The following HIRA variants were observed in gnomAD, a reference collection of about 807,000 sequenced individuals.
HIRA encodes the protein protein HIRA.
Under a neutral mutation model 126.6 loss-of-function variants are expected in HIRA, and 13 were observed. The ratio of observed to expected loss-of-function variants is 0.10; its 90% CI spans 0.07 to 0.16. The LOEUF (loss-of-function observed/expected upper bound fraction) is 0.16, where lower values mean the gene tolerates loss of function less well. Ranked by LOEUF, HIRA falls within the 10% of genes least tolerant of loss-of-function variation. The probability of loss-of-function intolerance (pLI) is 1.00; values close to 1 mark genes in which losing one functional copy is unlikely to be tolerated. For missense variants in HIRA, 834 were observed against 1,314.4 expected (o/e 0.63, Z 5.65); for synonymous variants, 511 against 520.0 (o/e 0.98, Z 0.24).
At chr22:19,399,581 C>T (rs1192852538) in intron 5 of HIRA, among the ~76,000 whole-genome samples, 3 of 152,092 alleles carry the variant, frequency 2.0e-5, no homozygotes, top group Non-Finnish European at 2.9e-5. Flanking sequence ...TACTCTGAGA[C>T]GCATACCCTA....
rs1428167176 is a variant in HIRA, at chr22:19,351,056, G to A, written c.2937+302C>T. On this transcript the variant is annotated intron_variant, in intron 24 of 24. Transcript: ENST00000263208. This position sits in a 1 kb window ranked among gnomAD's most constrained non-coding sequence, Gnocchi z 4.8. ...GCATCCCTACCAGACCGAGCTCCAC[G>A]AAGGCAGGGAAGTACCTTCCGTCTT... 1.7e-5 allele frequency: 15 copies of A among 889,914 alleles called. No homozygotes were observed. Among genetic ancestry groups the A allele is most frequent in the Non-Finnish European group, 2.0e-5 (15 of 742,980 alleles). 55.1% of individuals were successfully genotyped at this position (889,914 alleles called of 1,614,324 possible).
At chr22:19,414,575 G>C (rs894657428) in intron 1 of HIRA, among the ~76,000 whole-genome samples, 1 of 152,228 alleles carries the variant, frequency 6.6e-6, no homozygotes, top group Non-Finnish European at 1.5e-5. Context: ...GCTTGGGAAA[G>C]TTGAGGCTTT....
At chr22:19,427,491 A>G (rs2089497709) in intron 1 of HIRA, among the ~76,000 whole-genome samples, 1 of 152,254 alleles carries the variant, frequency 6.6e-6, no homozygotes, top group Non-Finnish European at 1.5e-5. Flanking sequence ...TCAGTAGGAC[A>G]GCTTCAAATC....
At chr22:19,394,193 T>G in intron 8 of HIRA, 149 bp downstream of exon 8, 4 of 920,162 alleles carry the variant, frequency 4.3e-6, no homozygotes, top group Non-Finnish European at 6.4e-6. Context: ...GATGTTCACA[T>G]GTAAAGTTTG....
At chr22:19,352,794 A>G (rs1416536416) in intron 23 of HIRA, among the ~76,000 whole-genome samples, 1 of 152,242 alleles carries the variant, frequency 6.6e-6, no homozygotes, top group Non-Finnish European at 1.5e-5. Context: ...TGAAGGCTGC[A>G]CTCAAGTGGG....
At chr22:19,393,481 C>T (rs2089198836) in intron 8 of HIRA, among the ~76,000 whole-genome samples, 2 of 152,124 alleles carry the variant, frequency 1.3e-5, no homozygotes, top group South Asian at 2.1e-4. Flanking sequence ...CCTCGGCCTC[C>T]TGAGTGGCTG....
chr22:19,422,213 C>CAT (rs1312611087), intron 1 of HIRA, among the ~76,000 whole-genome samples: 285 of 141,542 alleles, frequency 2.0e-3, no homozygotes, highest in African/African-American at 7.2e-3. Context: ...TATATATATA[C>CAT]ATATATATAT....
At chr22:19,420,461 T>TTAAAA (rs2089435763) in intron 1 of HIRA, among the ~76,000 whole-genome samples, 1 of 7,178 alleles carries the variant, frequency 1.4e-4, no homozygotes, top group East Asian at 3.8e-3. Flanking sequence ...AAAAACTGTC[T>TTAAAA]CAAAAAAAAA....
intron 1 of HIRA, among the ~76,000 whole-genome samples, chr22:19,428,203 T>G (rs1459123298): frequency 6.6e-6 from 1 of 152,214 alleles, no homozygotes; most frequent in Non-Finnish European, 1.5e-5. Flanking sequence ...CACTACAACG[T>G]GACAACTTCA....
chr22:19,353,350 C>A lies in HIRA; in HGVS notation c.2848+6G>T, dbSNP rs2088777624. On this transcript the variant is annotated splice_donor_region_variant and intron_variant, in intron 23 of 24. Coordinates refer to ENST00000263208, the MANE Select transcript of HIRA (RefSeq NM_003325.4). ...GAAGGCTGCTCAGGGCTGCCAGGAGCCTCACCTTCGTTTACGAGGTACCGT... is the reference window on the plus strand; with the variant it reads ...GAAGGCTGCTCAGGGCTGCCAGGAGACTCACCTTCGTTTACGAGGTACCGT... The A allele has an allele frequency of 6.2e-7, 1 of 1,612,542 alleles. No individual in the cohort carries two copies. The highest frequency in any genetic ancestry group is 1.1e-5 in the South Asian group (1 of 91,000).
chr22:19,333,627 C>T (rs2088521752), intron 24 of HIRA, among the ~76,000 whole-genome samples: 2 of 152,104 alleles, frequency 1.3e-5, no homozygotes, highest in South Asian at 2.1e-4. Flanking sequence ...CCCCGTCTTT[C>T]CTCAAATTTG....
At chr22:19,356,382 C>A in intron 19 of HIRA, 94 bp from the exon 20 acceptor site, 1 of 1,064,018 alleles carries the variant, frequency 9.4e-7, no homozygotes, top group Non-Finnish European at 1.4e-6. Context: ...CTACTGCATG[C>A]GACCCTAACC....
Position 19,431,687 on chromosome 22 carries a change from C to T in HIRA, c.-211G>A. Reference sequence around the variant, plus strand: ...CGCTCGGCCGCCGCCGCCGCCACCACAGCCGCATCCCCTGCGCCGCTCCTC... The same window carrying T: ...CGCTCGGCCGCCGCCGCCGCCACCATAGCCGCATCCCCTGCGCCGCTCCTC... On this transcript the variant is annotated 5_prime_UTR_variant, in exon 1 of 25. In the 5' UTR this introduces an upstream ATG that the reference lacks. Transcript: ENST00000263208. 2.5e-6 allele frequency: 1 copy of T among 395,210 alleles called. No individual in the cohort carries two copies. The highest frequency in any genetic ancestry group is 4.1e-6 in the Non-Finnish European group (1 of 246,672). The allele number at this position is 395,210 out of a possible 1,614,324, so 24.5% of individuals were successfully genotyped here. A position where few individuals can be genotyped will look rare whatever the true frequency, so the allele number is the denominator to read the frequency against.
chr22:19,335,172 C>G (rs143274446), intron 24 of HIRA, among the ~76,000 whole-genome samples: 1 of 151,838 alleles, frequency 6.6e-6, no homozygotes, highest in East Asian at 1.9e-4. Flanking sequence ...TGCTGTCATG[C>G]CACTTCACTT....
chr22:19,361,127 C>T (rs1394994240), intron 17 of HIRA, 110 bp downstream of exon 17: 12 of 821,198 alleles, frequency 1.5e-5, no homozygotes, highest in Non-Finnish European at 2.4e-5. Context: ...TGATGGAGAG[C>T]CACTGGAAAC....
In HIRA at chr22:19,359,482, G is replaced by C. The variant is rs749834610; in HGVS notation, c.2088C>G (p.Val696=). The stretch of plus-strand genomic sequence containing the variant: ...CAATGTACATGGAAGGATCGGAGCT[G>C]ACCTGGATGAAGTAAACACACGGGT... ...PSPQRAFTLQ[V]SSDPSMYIEV... Residue 696 remains valine (V), a splice_region_variant and synonymous_variant, in exon 18 of 25, where the codon GTC becomes GTG. Transcript: ENST00000263208. The C allele has an allele frequency of 1.9e-6, 3 of 1,601,508 alleles. No individual in the cohort carries two copies. The highest frequency in any genetic ancestry group is 3.4e-5 in the Admixed American group (2 of 58,090).
At chr22:19,412,079 A>T (rs1569311279) in intron 1 of HIRA, among the ~76,000 whole-genome samples, 1 of 152,332 alleles carries the variant, frequency 6.6e-6, no homozygotes, top group East Asian at 1.9e-4. Flanking sequence ...ACCCGTTTTA[A>T]CCAAAGGGAA....
At chr22:19,419,969 T>A (rs547552470) in intron 1 of HIRA, among the ~76,000 whole-genome samples, 21 of 152,138 alleles carry the variant, frequency 1.4e-4, no homozygotes, top group African/African-American at 4.8e-4. Context: ...CACAATGACA[T>A]CTCATAGGTG....
At chr22:19,381,133 T>C (rs2089069705) in intron 13 of HIRA, among the ~76,000 whole-genome samples, 1 of 152,238 alleles carries the variant, frequency 6.6e-6, no homozygotes, top group Non-Finnish European at 1.5e-5. Flanking sequence ...AAGATATGCA[T>C]CTCTGGTTGC....
Sources: gnomAD v4.1 joint callset for allele counts (sites outside exome capture counted in the v4.1 genomes callset) on GRCh38, gnomAD v4.1.1 for gene constraint, Gnocchi (gnomAD v3.1) non-coding constraint, MANE v1.5 for transcripts, NCBI Gene and HGNC (gene_info 2026-07-23, HGNC 2026-07-21) for gene names.